The following NFIB variants were observed in gnomAD, a reference collection of about 807,000 sequenced individuals.
NFIB encodes the protein nuclear factor 1 B-type.
NFIB carries 11 observed loss-of-function variants against 61.5 expected under a neutral mutation model. That is an observed-to-expected ratio of 0.18 (90% CI 0.11 to 0.30). NFIB has a LOEUF of 0.30. Among genes scored for constraint, NFIB ranks in the 10% least tolerant of loss-of-function variants. The probability of loss-of-function intolerance (pLI) is 1.00; values close to 1 mark genes in which losing one functional copy is unlikely to be tolerated. For synonymous variants in NFIB, 260 were observed against 216.5 expected, an observed-to-expected ratio of 1.20 and a Z score of -1.76; for missense variants, 471 against 608.9, an observed-to-expected ratio of 0.77 and a Z score of 2.38.
intron 1 of NFIB, among the ~76,000 whole-genome samples, chr9:14,372,244 T>C (rs1371683587): frequency 6.6e-6 from 1 of 152,192 alleles, no homozygotes; most frequent in Non-Finnish European, 1.5e-5. Context: ...ATTTATGAAC[T>C]GGCCTCTATA....
At chr9:14,518,586 C>T in the NFIB span, among the ~76,000 whole-genome samples, 1 of 151,768 alleles carries the variant, frequency 6.6e-6, no homozygotes, top group Admixed American at 6.6e-5. Flanking sequence ...CTGTTAGGTC[C>T]ACCTTCCATC....
At chr9:14,265,829 A>G (rs577617621) in intron 2 of NFIB, among the ~76,000 whole-genome samples, 1 of 152,344 alleles carries the variant, frequency 6.6e-6, no homozygotes, top group South Asian at 2.1e-4. Context: ...TTCATTTAGC[A>G]ATAAGCAATT....
chr9:14,204,324 A>C, intron 2 of NFIB: 3 of 736,872 alleles, frequency 4.1e-6, no homozygotes, highest in Non-Finnish European at 7.2e-6. Flanking sequence ...GAGGCCAAGA[A>C]AGTGGTCAAC....
At chr9:14,100,820 C>T (rs956858823) in intron 10 of NFIB, among the ~76,000 whole-genome samples, 1 of 152,218 alleles carries the variant, frequency 6.6e-6, no homozygotes, top group African/African-American at 2.4e-5. Context: ...GTAAGCCAAT[C>T]AATATTCCAC....
chr9:14,374,588 A>C (rs2061395547), intron 1 of NFIB, among the ~76,000 whole-genome samples: 1 of 152,218 alleles, frequency 6.6e-6, no homozygotes. Context: ...TTGCTCTAAA[A>C]GAAGAAATGT....
chr9:14,335,984 C>T (rs1412313216), intron 1 of NFIB, among the ~76,000 whole-genome samples: 3 of 152,186 alleles, frequency 2.0e-5, no homozygotes, highest in Non-Finnish European at 4.4e-5. Context: ...TTTCCACATA[C>T]ATGTGGGTCT....
chr9:14,347,695 A>C (rs1451317844), intron 1 of NFIB, among the ~76,000 whole-genome samples: 2 of 152,082 alleles, frequency 1.3e-5, no homozygotes, highest in Non-Finnish European at 2.9e-5. Context: ...GGGTCGGGTG[A>C]CTGTGCGGAG....
intron 8 of NFIB, among the ~76,000 whole-genome samples, chr9:14,119,674 C>T (rs2038667781): frequency 6.6e-6 from 1 of 152,122 alleles, no homozygotes; most frequent in Non-Finnish European, 1.5e-5. Context: ...AATATCAGAT[C>T]CTAATATCAA....
chr9:14,179,521 C>T (rs2131433858), intron 3 of NFIB, among the ~76,000 whole-genome samples: 1 of 152,232 alleles, frequency 6.6e-6, no homozygotes, highest in East Asian at 1.9e-4. Flanking sequence ...AAAATTAAAA[C>T]ATTGGTGATT....
the NFIB span, among the ~76,000 whole-genome samples, chr9:14,470,125 A>G: frequency 6.6e-6 from 1 of 152,222 alleles, no homozygotes; most frequent in Non-Finnish European, 1.5e-5. Context: ...TCACATTGAT[A>G]TTCACCCTAT....
the NFIB span, among the ~76,000 whole-genome samples, chr9:14,473,566 A>G: frequency 6.6e-6 from 1 of 152,122 alleles, no homozygotes; most frequent in African/African-American, 2.4e-5. Context: ...TCCTCTCCCA[A>G]CATCACAGCC....
At position 14,336,931 on chromosome 9, in the gene NFIB, C is replaced by T. The variant is rs141503643; in HGVS notation, c.109-29411G>A. 3.5e-3 allele frequency among the ~76,000 whole-genome samples: 538 copies of T among 152,232 alleles called. 2 individuals are homozygous for T. The highest frequency in any genetic ancestry group is 0.012 in the African/African-American group (514 of 41,534). ...ATGTTATACACAAAGGGGCCACGGACAATATATAAACAATGAGCCTGGCTG... is the reference window on the plus strand; with the variant it reads ...ATGTTATACACAAAGGGGCCACGGATAATATATAAACAATGAGCCTGGCTG... On this transcript the variant is annotated intron_variant, in intron 1 of 8. Coordinates refer to the NFIB transcript ENST00000380934.
chr9:14,176,920 G>A (rs1251041159), intron 3 of NFIB, among the ~76,000 whole-genome samples: 1 of 152,144 alleles, frequency 6.6e-6, no homozygotes, highest in Non-Finnish European at 1.5e-5. Flanking sequence ...ATCTCCAAAA[G>A]GGCTTGAATT....
intron 1 of NFIB, chr9:14,361,289 G>A (rs1323703431): frequency 1.3e-5 from 2 of 148,628 alleles, no homozygotes; most frequent in African/African-American, 4.9e-5. Context: ...AAAGACTTTT[G>A]AGGATTGCTT....
chr9:14,101,803 C>G (rs866685648), intron 10 of NFIB, among the ~76,000 whole-genome samples: 4 of 152,144 alleles, frequency 2.6e-5, no homozygotes, highest in Non-Finnish European at 5.9e-5. Context: ...CTCAGCCAAC[C>G]AAATAAGGTC....
the NFIB span, among the ~76,000 whole-genome samples, chr9:14,424,625 G>C: frequency 6.6e-6 from 1 of 152,158 alleles, no homozygotes; most frequent in Non-Finnish European, 1.5e-5. Context: ...AAGGACAAGA[G>C]TTTAATTTTC....
intron 1 of NFIB, among the ~76,000 whole-genome samples, chr9:14,392,807 C>T (rs1434778978): frequency 6.6e-6 from 1 of 152,162 alleles, no homozygotes; most frequent in Non-Finnish European, 1.5e-5. Context: ...GCGTTTAGCA[C>T]AGCGTTTGGC....
At chr9:14,322,287 GT>G (rs1321997419) in intron 1 of NFIB, 5 of 354,146 alleles carry the variant, frequency 1.4e-5, no homozygotes, top group Non-Finnish European at 1.4e-5. Context: ...CTTGAACGCC[GT>G]CCAGGATGGT....
At chr9:14,462,178 T>C in the NFIB span, among the ~76,000 whole-genome samples, 4 of 152,258 alleles carry the variant, frequency 2.6e-5, no homozygotes, top group Non-Finnish European at 5.9e-5. Flanking sequence ...ACACAATCAG[T>C]GTTTCAGTCT....
Sources: allele counts gnomAD v4.1 joint callset (sites outside exome capture counted in the v4.1 genomes callset), GRCh38; gene constraint gnomAD v4.1.1; transcripts MANE v1.5; gene names NCBI Gene and HGNC (gene_info 2026-07-23, HGNC 2026-07-21).